MICAL3: variants seen among roughly 807,000 people sequenced by gnomAD.
MICAL3 encodes microtubule associated monooxygenase, calponin and LIM domain containing 3.
A neutral mutation model predicts 207.4 loss-of-function variants in MICAL3; 62 were observed. That is an observed-to-expected ratio of 0.30 (90% CI 0.24 to 0.37). The LOEUF is 0.37. MICAL3 is among the 10% of genes least tolerant of loss of function. The pLI, the probability that MICAL3 is intolerant of heterozygous loss-of-function variation, is 1.00. For synonymous variants in MICAL3, 1,077 were observed against 1,069.3 expected, an observed-to-expected ratio of 1.01 and a Z score of -0.14; for missense variants, 2,368 against 2,635.6, an observed-to-expected ratio of 0.90 and a Z score of 2.22.
In MICAL3 at chr22:17,825,719, T is replaced by C. The variant is rs187828647; in HGVS notation, c.3193+1925A>G. 1.1e-4 allele frequency among the ~76,000 whole-genome samples: 17 copies of C among 152,216 alleles called. No individual in the cohort carries two copies. The East Asian group carries it at 1.9e-3, about 17-fold the overall frequency. On this transcript the variant is annotated intron_variant, in intron 22 of 31. Coordinates refer to ENST00000441493, the MANE Select transcript of MICAL3 (RefSeq NM_015241.3). ...CAGTGTCTGACAACTCGTGGAGGGATTTTTGGTGTCTTCATAGGTGGTGGA... is the reference window on the plus strand; with the variant it reads ...CAGTGTCTGACAACTCGTGGAGGGACTTTTGGTGTCTTCATAGGTGGTGGA...
intron 20 of MICAL3, 38 bp from the exon 21 acceptor site, chr22:17,832,145 G>A (rs1459900237): frequency 1.3e-6 from 2 of 1,548,492 alleles, no homozygotes; most frequent in Admixed American, 3.9e-5. Flanking sequence ...GTGAGGGAAT[G>A]AAGAAAAACT....
chr22:17,920,039 G>A (rs1249817509), intron 1 of MICAL3, among the ~76,000 whole-genome samples: 1 of 152,222 alleles, frequency 6.6e-6, no homozygotes, highest in Admixed American at 6.5e-5. Context: ...GCTGCCACAA[G>A]CCCAGGTGTC....
chr22:17,824,505 T>A (rs930818867), intron 22 of MICAL3, among the ~76,000 whole-genome samples: 2 of 152,258 alleles, frequency 1.3e-5, no homozygotes, highest in African/African-American at 4.8e-5. Flanking sequence ...ATTTTCTGTT[T>A]CTTTAATAAT....
chr22:18,020,339 C>T (rs1221192483), intron 1 of MICAL3: 1 of 151,364 alleles, frequency 6.6e-6, no homozygotes, highest in Non-Finnish European at 1.5e-5. Flanking sequence ...AGATCCTCTC[C>T]CTTCAGATTA....
At position 17,822,081 on chromosome 22, in the gene MICAL3, C is replaced by T. The variant is rs375180000; in HGVS notation, c.3397G>A (p.Val1133Met). 54 of 1,613,866 alleles carry T rather than the reference C, an allele frequency of 3.3e-5. No homozygotes were observed. In the Middle Eastern group the frequency reaches 6.6e-4, roughly 20 times the overall value. The change falls in exon 24 of 32, where the codon GTG (valine) becomes ATG (methionine). Residue 1133 changes from valine to methionine, a missense_variant. By Grantham distance (21) the Val-to-Met change is conservative. Around this residue, in one of 4 missense-constraint regions of MICAL3, gnomAD observed 1,770 missense variants for 1,863.2 expected, o/e 0.95. Transcript: ENST00000441493. ...GGCAGCTTCTCCTCATCTTCCGACA[C>T]CCTCAGCTCCAGCTCTGCTTCCCCC... ...AEGEAELELR[V>M]SEDEEKLPAS...
chr22:17,877,457 TAGGGAG>T (rs1928878543), intron 16 of MICAL3, among the ~76,000 whole-genome samples: 12 of 70,036 alleles, frequency 1.7e-4, no homozygotes, highest in South Asian at 4.6e-4. Context: ...TTATGGAGGT[TAGGGAG>T]ATTATGGAGG....
intron 1 of MICAL3, among the ~76,000 whole-genome samples, chr22:17,940,967 C>A (rs530522215): frequency 1.6e-4 from 24 of 152,300 alleles, no homozygotes; most frequent in Admixed American, 2.6e-4. Context: ...AACCTACCCA[C>A]TAAAGAAAGC....
chr22:17,856,008 C>G (rs902292287), intron 19 of MICAL3, among the ~76,000 whole-genome samples: 28 of 152,240 alleles, frequency 1.8e-4, no homozygotes, highest in African/African-American at 6.5e-4. Context: ...GTGCCTGTTT[C>G]CCCATGTGCA....
chr22:17,847,064 A>G (rs941517073), intron 19 of MICAL3, among the ~76,000 whole-genome samples: 27 of 152,062 alleles, frequency 1.8e-4, no homozygotes, highest in African/African-American at 6.3e-4. Context: ...ACTCCTGGAG[A>G]GGCATCGGCG....
intron 16 of MICAL3, among the ~76,000 whole-genome samples, chr22:17,873,691 C>G (rs796404620): frequency 3.9e-5 from 6 of 152,356 alleles, no homozygotes; most frequent in African/African-American, 1.4e-4. Context: ...CCAACCAACT[C>G]AAGCCTCTTT....
chr22:17,801,072 A>G (rs1188546041), intron 29 of MICAL3, among the ~76,000 whole-genome samples: 2 of 151,646 alleles, frequency 1.3e-5, no homozygotes, highest in African/African-American at 2.4e-5. Flanking sequence ...TGAGCTGATG[A>G]GCCCACCTTC....
intron 18 of MICAL3, 100 bp from the exon 19 acceptor site, chr22:17,865,086 T>TTTAC: frequency 5.2e-6 from 1 of 191,572 alleles, no homozygotes; most frequent in South Asian, 2.0e-4. Context: ...GGTTTTAAAT[T>TTTAC]TTATTTATTT....
intron 1 of MICAL3, among the ~76,000 whole-genome samples, chr22:18,018,110 G>A (rs930263873): frequency 2.0e-5 from 3 of 151,866 alleles, no homozygotes; most frequent in African/African-American, 4.8e-5. Flanking sequence ...TCCTGACCTC[G>A]TGATCCGCCT....
intron 17 of MICAL3, among the ~76,000 whole-genome samples, chr22:17,869,945 C>A (rs1927541547): frequency 6.6e-6 from 1 of 152,184 alleles, no homozygotes; most frequent in Non-Finnish European, 1.5e-5. Context: ...ATTCTTTGTT[C>A]TCTGAGCCTC....
intron 16 of MICAL3, among the ~76,000 whole-genome samples, chr22:17,878,511 G>A (rs1028142155): frequency 6.6e-6 from 1 of 152,170 alleles, no homozygotes; most frequent in Non-Finnish European, 1.5e-5. Flanking sequence ...AGCTCCTATC[G>A]GGTCCGAGGG....
At chr22:17,899,281 T>C (rs1389354903) in intron 7 of MICAL3, 167 bp downstream of exon 7, 2 of 687,020 alleles carry the variant, frequency 2.9e-6, no homozygotes, top group Admixed American at 4.1e-5. Flanking sequence ...AAATTAGCCA[T>C]AGTTAAGAGT....
intron 21 of MICAL3, 127 bp downstream of exon 21, chr22:17,831,727 G>A: frequency 7.0e-7 from 1 of 1,423,778 alleles, no homozygotes; most frequent in Non-Finnish European, 9.3e-7. Flanking sequence ...TGTCAGGAGG[G>A]GTGGTCCCTG....
intron 1 of MICAL3, among the ~76,000 whole-genome samples, chr22:17,914,253 C>T (rs1483699735): frequency 6.9e-6 from 1 of 144,854 alleles, no homozygotes; most frequent in African/African-American, 2.4e-5. Context: ...TTCTAGAAAG[C>T]GTGAGAATGG....
intron 16 of MICAL3, chr22:17,876,811 G>GGGAAGTTATGGAGGTTATGGCAGTTAT (rs1928482627): frequency 2.5e-5 from 1 of 40,606 alleles, no homozygotes; most frequent in African/African-American, 9.6e-5. Flanking sequence ...ATGGAGGTTA[G>GGGAAGTTATGGAGGTTATGGCAGTTAT]GGAGGTTAGG....
Sources: gnomAD v4.1 joint callset for allele counts (sites outside exome capture counted in the v4.1 genomes callset) on GRCh38, gnomAD v4.1.1 for gene constraint, gnomAD v4.1.1 regional missense constraint, MANE v1.5 for transcripts, NCBI Gene and HGNC (gene_info 2026-07-23, HGNC 2026-07-21) for gene names.